The following TSPAN5 variants were observed in gnomAD, a reference collection of about 807,000 sequenced individuals.
The protein encoded by TSPAN5 is tetraspanin 5.
Under a neutral mutation model 37.1 loss-of-function variants are expected in TSPAN5, and 10 were observed. The ratio of observed to expected loss-of-function variants is 0.27; its 90% CI spans 0.17 to 0.46. The LOEUF (loss-of-function observed/expected upper bound fraction) is 0.46. Ranked by LOEUF, TSPAN5 falls within the 20% of genes least tolerant of loss-of-function variation. The pLI, the probability that TSPAN5 is intolerant of heterozygous loss-of-function variation, is 1.00. For synonymous variants in TSPAN5, 110 were observed against 118.9 expected, an observed-to-expected ratio of 0.93 and a Z score of 0.48; for missense variants, 195 against 326.6, an observed-to-expected ratio of 0.60 and a Z score of 3.11.
intron 1 of TSPAN5, among the ~76,000 whole-genome samples, chr4:98,534,337 T>C (rs1375726355): frequency 6.6e-6 from 1 of 152,226 alleles, no homozygotes; most frequent in Non-Finnish European, 1.5e-5. Flanking sequence ...TCAGTGAGTT[T>C]CTTAAGCCTG....
At chr4:98,506,805 T>G (rs993990645) in intron 2 of TSPAN5, among the ~76,000 whole-genome samples, 1 of 152,162 alleles carries the variant, frequency 6.6e-6, no homozygotes, top group Non-Finnish European at 1.5e-5. Flanking sequence ...TAATAAAGCT[T>G]TTGTGTATAG....
At position 98,634,213 on chromosome 4, in the gene TSPAN5, G is replaced by T. The variant is rs151104265; in HGVS notation, c.81+23933C>A. 1.9e-3 allele frequency among the ~76,000 whole-genome samples: 289 copies of T among 152,248 alleles called. 2 individuals carry two copies. The highest frequency in any genetic ancestry group is 6.7e-3 in the African/African-American group (279 of 41,546). ...TCAGTGGCCTTGGCAGCACAAGCAG[G>T]CAAATATACATGGGAGTATCAAGAT... is the stretch of plus-strand genomic sequence containing the variant. On this transcript the variant is annotated intron_variant, in intron 1 of 7. Coordinates refer to ENST00000305798, the MANE Select transcript of TSPAN5 (RefSeq NM_005723.4).
chr4:98,582,107 C>G (rs973963252), intron 1 of TSPAN5, among the ~76,000 whole-genome samples: 3 of 152,188 alleles, frequency 2.0e-5, no homozygotes, highest in African/African-American at 7.2e-5. Flanking sequence ...TGAAGGTTGC[C>G]AGGTGGAATC....
intron 1 of TSPAN5, among the ~76,000 whole-genome samples, chr4:98,532,365 T>C (rs1168988715): frequency 6.6e-6 from 1 of 152,234 alleles, no homozygotes; most frequent in Admixed American, 6.5e-5. Context: ...TCTTATTTCC[T>C]TGAGCAGTGG....
intron 1 of TSPAN5, among the ~76,000 whole-genome samples, chr4:98,598,366 C>T (rs1449059582): frequency 6.7e-6 from 1 of 149,762 alleles, no homozygotes; most frequent in Non-Finnish European, 1.5e-5. Context: ...AACCCGGTAC[C>T]TCAGATGGAA....
chr4:98,639,300 G>A (rs1312230428), intron 1 of TSPAN5, among the ~76,000 whole-genome samples: 2 of 152,074 alleles, frequency 1.3e-5, no homozygotes, highest in Non-Finnish European at 2.9e-5. Context: ...TCTTATCTAT[G>A]TTATCTATCT....
intron 4 of TSPAN5, among the ~76,000 whole-genome samples, chr4:98,479,397 C>A (rs1331314316): frequency 1.3e-5 from 2 of 152,114 alleles, no homozygotes; most frequent in East Asian, 1.9e-4. Context: ...AAAGACAATG[C>A]CAGGTTGGAC....
At chr4:98,572,160 C>T (rs908969575) in intron 1 of TSPAN5, among the ~76,000 whole-genome samples, 1 of 151,950 alleles carries the variant, frequency 6.6e-6, no homozygotes, top group African/African-American at 2.4e-5. Flanking sequence ...GACGGGGTTT[C>T]GCCGTTAACA....
intron 1 of TSPAN5, among the ~76,000 whole-genome samples, chr4:98,571,796 C>A (rs934192109): frequency 6.6e-6 from 1 of 152,122 alleles, no homozygotes; most frequent in African/African-American, 2.4e-5. Context: ...TGACCATTTC[C>A]TTTGGTGAAT....
At chr4:98,511,414 A>T (rs938716450) in intron 1 of TSPAN5, among the ~76,000 whole-genome samples, 38 of 152,224 alleles carry the variant, frequency 2.5e-4, no homozygotes, top group Non-Finnish European at 4.0e-4. Flanking sequence ...CTAGGCTACA[A>T]ACCTATACTG....
intron 1 of TSPAN5, among the ~76,000 whole-genome samples, chr4:98,542,336 G>A (rs1754377189): frequency 6.6e-6 from 1 of 152,180 alleles, no homozygotes; most frequent in Non-Finnish European, 1.5e-5. Context: ...CATGCATACT[G>A]TGCAAGCATT....
At chr4:98,510,651 G>A (rs1340623211) in intron 1 of TSPAN5, among the ~76,000 whole-genome samples, 2 of 152,100 alleles carry the variant, frequency 1.3e-5, no homozygotes, top group African/African-American at 4.8e-5. Flanking sequence ...AAAAAAGTAG[G>A]GATTTAAAGA....
Position 98,486,820 on chromosome 4 carries a change from A to G in TSPAN5, c.197T>C (p.Leu66Pro). ...LGGFDPVWLF[L>P]VVGGVMFILG... ...AATGAACATCACTCCTCCCACCACA[A>G]GGAAGAGCCAAACTGGGTCAAAGCC... Residue 66 changes from leucine to proline, a missense_variant, in exon 3 of 8, where the codon CTT (leucine) becomes CCT (proline). Leu to Pro is a moderately conservative substitution (Grantham distance 98, BLOSUM62 -3). Transcript: ENST00000305798. 1 of 1,614,146 alleles carries G rather than the reference A, an allele frequency of 6.2e-7. No individual in the cohort carries two copies. Among genetic ancestry groups the G allele is most frequent in the Non-Finnish European group, 8.5e-7 (1 of 1,180,028 alleles).
intron 1 of TSPAN5, among the ~76,000 whole-genome samples, chr4:98,592,421 G>GTTTTTTTTTTTTTT (rs1204813183): frequency 1.7e-4 from 16 of 95,252 alleles, no homozygotes; most frequent in African/African-American, 4.8e-4. Flanking sequence ...AGGGATCTCT[G>GTTTTTTTTTTTTTT]TTTTTTGTTT....
At chr4:98,514,398 A>G (rs368623859) in intron 1 of TSPAN5, among the ~76,000 whole-genome samples, 1 of 152,136 alleles carries the variant, frequency 6.6e-6, no homozygotes, top group Non-Finnish European at 1.5e-5. Context: ...GGAGGGACTT[A>G]TTTCAGGAAT....
Position 98,642,913 on chromosome 4 carries a change from T to TA in TSPAN5, c.81+15232dup, listed in dbSNP as rs1337575933. Reference sequence around the variant, plus strand: ...TGTTATTACAAAAGAGTAAAAAAGCTAAAAAAAGGTTAATAAAATAAAATG... The same window carrying TA: ...TGTTATTACAAAAGAGTAAAAAAGCTAAAAAAAAGGTTAATAAAATAAAATG... On this transcript the variant is annotated intron_variant, in intron 1 of 7. Coordinates refer to ENST00000305798, the MANE Select transcript of TSPAN5 (RefSeq NM_005723.4). Among the ~76,000 whole-genome samples the TA allele has an allele frequency of 3.9e-5, 6 of 152,258 alleles. No homozygotes were observed. The South Asian group carries it at 1.0e-3, about 26-fold the overall frequency.
intron 2 of TSPAN5, among the ~76,000 whole-genome samples, chr4:98,501,307 T>C (rs1753343177): frequency 6.6e-6 from 1 of 152,230 alleles, no homozygotes; most frequent in Non-Finnish European, 1.5e-5. Context: ...TTACTGGAGA[T>C]GTGAGGCAAG....
chr4:98,641,143 A>G (rs1249976457), intron 1 of TSPAN5, among the ~76,000 whole-genome samples: 3 of 152,236 alleles, frequency 2.0e-5, no homozygotes, highest in East Asian at 1.9e-4. Context: ...GAAATAAAAA[A>G]GTAAATATCC....
intron 1 of TSPAN5, among the ~76,000 whole-genome samples, chr4:98,513,567 GA>G (rs901085921): frequency 1.4e-4 from 21 of 152,236 alleles, no homozygotes; most frequent in Admixed American, 1.1e-3. Flanking sequence ...GAAGGGGAAG[GA>G]AAAGGAAGTG....
Sources: allele counts gnomAD v4.1 joint callset (sites outside exome capture counted in the v4.1 genomes callset), GRCh38; gene constraint gnomAD v4.1.1; transcripts MANE v1.5; gene names NCBI Gene and HGNC (gene_info 2026-07-23, HGNC 2026-07-21).